Variants in ME2 observed in about 807,000 individuals in gnomAD.
ME2 encodes the protein malic enzyme 2.
Under a neutral mutation model 73.7 loss-of-function variants are expected in ME2, and 60 were observed. That is an observed-to-expected ratio of 0.81 (90% CI 0.66 to 1.01). The LOEUF (loss-of-function observed/expected upper bound fraction) is 1.01. ME2 is among the 50% of genes least tolerant of loss of function. The pLI is 0.00. For missense variants in ME2, 594 were observed against 705.5 expected, an observed-to-expected ratio of 0.84 and a Z score of 1.79; for synonymous variants, 199 against 236.9, an observed-to-expected ratio of 0.84 and a Z score of 1.47.
chr18:50,948,206 AT>A lies in ME2; in HGVS notation c.*1029del, dbSNP rs989088660. 1.4e-4 allele frequency: 22 copies of A among 152,166 alleles called. No individual in the cohort carries two copies. The highest frequency in any genetic ancestry group is 8.8e-5 in the Non-Finnish European group (6 of 68,030). The allele number at this position is 152,166 out of a possible 1,614,324, so 9.4% of individuals were successfully genotyped here. A position where few individuals can be genotyped will look rare whatever the true frequency, so the allele number is the denominator to read the frequency against. ...TCTTTCTCCATTGAAGGCAGACTTA[AT>A]TTTTTTAAACCACCAACATTAATTT... On this transcript the variant is annotated 3_prime_UTR_variant, in exon 16 of 16. Coordinates refer to ENST00000321341, the MANE Select transcript of ME2 (RefSeq NM_002396.5).
Position 50,940,325 on chromosome 18 carries a change from A to T in ME2, c.1526A>T (p.Gln509Leu), listed in dbSNP as rs1377924190. The change falls in exon 15 of 16, where the codon CAA (glutamine) becomes CTA (leucine). Residue 509 changes from glutamine (Q) to leucine (L), a missense_variant. By Grantham distance (113) the Gln-to-Leu change is moderately radical (BLOSUM62 -2). Transcript: ENST00000321341. The stretch of plus-strand genomic sequence containing the variant: ...CAATTGACAGATGAAGAGCTAGCCC[A>T]AGGGAGACTTTACCCACCGCTTGCT... ...TSQLTDEELA[Q>L]GRLYPPLANI... 1 of 1,611,496 alleles carries T rather than the reference A, an allele frequency of 6.2e-7. No homozygotes were observed. The highest frequency in any genetic ancestry group is 8.5e-7 in the Non-Finnish European group (1 of 1,179,472).
intron 2 of ME2, among the ~76,000 whole-genome samples, chr18:50,897,570 A>G (rs1224504757): frequency 6.6e-6 from 1 of 152,166 alleles, no homozygotes; most frequent in Non-Finnish European, 1.5e-5. Context: ...TACTAAAAAT[A>G]CAAAATTAGG....
rs1404285026 is a variant in ME2 at position 50,948,732 on chromosome 18, C to G, written c.*1548C>G. On this transcript the variant is annotated 3_prime_UTR_variant, in exon 16 of 16. Transcript: ENST00000321341. ...CTAATTTTTGTATTTTTAGTAGAGA[C>G]GGGATTTCACCATGTTGGCCAGGAG... is the stretch of plus-strand genomic sequence containing the variant. The G allele has an allele frequency of 6.7e-6, 1 of 149,642 alleles. No individual in the cohort carries two copies. Among genetic ancestry groups the G allele is most frequent in the Non-Finnish European group, 1.5e-5 (1 of 67,534 alleles). 9.3% of individuals were successfully genotyped at this position (149,642 alleles called of 1,614,324 possible). A position where few individuals can be genotyped will look rare whatever the true frequency, so the allele number is the denominator to read the frequency against.
At chr18:50,897,782 C>T (rs1024563259) in intron 2 of ME2, among the ~76,000 whole-genome samples, 1 of 151,994 alleles carries the variant, frequency 6.6e-6, no homozygotes, top group Admixed American at 6.6e-5. Flanking sequence ...ATCGTTTGAA[C>T]CCGGAAGTGG....
intron 11 of ME2, 35 bp downstream of exon 11, chr18:50,924,247 C>G: frequency 2.9e-6 from 4 of 1,382,510 alleles, no homozygotes; most frequent in Non-Finnish European, 4.1e-6. Flanking sequence ...AATTTTACTC[C>G]CTAACTGTAT....
intron 13 of ME2, chr18:50,935,062 T>C (rs1342894603): frequency 6.6e-6 from 1 of 152,064 alleles, no homozygotes; most frequent in Non-Finnish European, 1.5e-5. Context: ...TACCTTGGAT[T>C]GGGGGTATAG....
chr18:50,941,115 G>A (rs888949695), intron 15 of ME2, among the ~76,000 whole-genome samples: 4 of 151,418 alleles, frequency 2.6e-5, no homozygotes, highest in Non-Finnish European at 4.4e-5. Flanking sequence ...AAAAAAGTTA[G>A]CCAGGCATGG....
intron 1 of ME2, among the ~76,000 whole-genome samples, chr18:50,883,813 A>G (rs2144176116): frequency 6.6e-6 from 1 of 152,294 alleles, no homozygotes; most frequent in Non-Finnish European, 1.5e-5. Flanking sequence ...CAGTGAGCCA[A>G]GATTGTGCCA....
chr18:50,898,815 T>C (rs1916815107), intron 2 of ME2, among the ~76,000 whole-genome samples: 1 of 152,212 alleles, frequency 6.6e-6, no homozygotes, highest in Non-Finnish European at 1.5e-5. Context: ...GGCTTTACCA[T>C]TTACTAGCCA....
At chr18:50,931,956 T>G (rs1468398074) in intron 12 of ME2, among the ~76,000 whole-genome samples, 1 of 152,198 alleles carries the variant, frequency 6.6e-6, no homozygotes, top group Non-Finnish European at 1.5e-5. Context: ...GTGCTGGGAC[T>G]GCAGGTGTAA....
intron 1 of ME2, among the ~76,000 whole-genome samples, chr18:50,889,333 G>A (rs772333961): frequency 7.2e-5 from 11 of 152,246 alleles, no homozygotes; most frequent in Middle Eastern, 6.8e-3. Flanking sequence ...TTGGGGAAGG[G>A]GGTGCTGGAC....
Position 50,951,120 on chromosome 18 carries a change from A to G in ME2, c.*3936A>G, listed in dbSNP as rs927761944. The G allele has an allele frequency of 6.6e-6, 1 of 152,170 alleles. No individual in the cohort carries two copies. Among genetic ancestry groups the G allele is most frequent in the South Asian group, 2.1e-4 (1 of 4,834 alleles). 9.4% of individuals were successfully genotyped at this position (152,170 alleles called of 1,614,324 possible). On this transcript the variant is annotated 3_prime_UTR_variant, in exon 16 of 16. Transcript: ENST00000321341. ...GCATACTTAGTAAACTTAGTAACCA[A>G]TTTTCATTTGTAAAAGATTAGCTAT...
At chr18:50,918,894 C>T (rs1917354333) in intron 7 of ME2, among the ~76,000 whole-genome samples, 1 of 152,274 alleles carries the variant, frequency 6.6e-6, no homozygotes, top group South Asian at 2.1e-4. Context: ...AATCTTCCAT[C>T]TGGGTATTCT....
chr18:50,911,290 T>C (rs1917149098), intron 3 of ME2, among the ~76,000 whole-genome samples: 1 of 152,224 alleles, frequency 6.6e-6, no homozygotes. Flanking sequence ...AATTTCTATC[T>C]GTTGATACCA....
intron 1 of ME2, among the ~76,000 whole-genome samples, chr18:50,884,743 G>A (rs1272618522): frequency 6.6e-6 from 1 of 152,174 alleles, no homozygotes; most frequent in African/African-American, 2.4e-5. Context: ...ATTCCAAAAT[G>A]TATTTTTTGG....
rs1024624227 is a variant in ME2, at chr18:50,947,728, A to G, written c.*544A>G. 3 of 152,244 alleles carry G rather than the reference A, an allele frequency of 2.0e-5. No homozygotes were observed. Among genetic ancestry groups the G allele is most frequent in the Admixed American group, 6.5e-5 (1 of 15,282 alleles). The allele number at this position is 152,244 out of a possible 1,614,324, so 9.4% of individuals were successfully genotyped here. A position where few individuals can be genotyped will look rare whatever the true frequency, so the allele number is the denominator to read the frequency against. ...GCAGACAGAGCTAGGGAAATATTAAAAATTTACCCTATTTATTTTCTGGAA... is the reference window on the plus strand; with the variant it reads ...GCAGACAGAGCTAGGGAAATATTAAGAATTTACCCTATTTATTTTCTGGAA... On this transcript the variant is annotated 3_prime_UTR_variant, in exon 16 of 16. Transcript: ENST00000321341.
chr18:50,932,404 T>TG (rs1021971004), intron 13 of ME2, 44 bp downstream of exon 13: 15 of 1,441,602 alleles, frequency 1.0e-5, no homozygotes, highest in Non-Finnish European at 1.5e-5. Flanking sequence ...TAGTTAATTA[T>TG]GTAAAAATAC....
At chr18:50,888,300 A>C (rs1916524741) in intron 1 of ME2, among the ~76,000 whole-genome samples, 1 of 151,460 alleles carries the variant, frequency 6.6e-6, no homozygotes, top group African/African-American at 2.4e-5. Flanking sequence ...AGCTGTGATC[A>C]TGCCACTGCA....
Position 50,895,880 on chromosome 18 carries a change from C to T in ME2, c.60C>T (p.His20=), listed in dbSNP as rs200625254. The T allele has an allele frequency of 6.2e-7, 1 of 1,613,618 alleles. No homozygotes were observed. Among genetic ancestry groups the T allele is most frequent in the Non-Finnish European group, 8.5e-7 (1 of 1,179,912 alleles). The change falls in exon 2 of 16, where the codon CAC becomes CAT. Residue 20 remains histidine, a synonymous_variant. Transcript: ENST00000321341. The part of the protein sequence containing the change: ...TTCTLACRHL[H]IKEKGKPLML... ...GTACTTTGGCATGTCGACATTTGCA[C>T]ATAAAAGAAAAAGGCAAGCCACTTA...
Sources: gnomAD v4.1 joint callset for allele counts (sites outside exome capture counted in the v4.1 genomes callset) on GRCh38, gnomAD v4.1.1 for gene constraint, MANE v1.5 for transcripts, NCBI Gene and HGNC (gene_info 2026-07-23, HGNC 2026-07-21) for gene names.